Variants in RBBP8 observed in about 807,000 individuals in gnomAD.
RBBP8 encodes the protein DNA endonuclease RBBP8.
RBBP8 carries 88 observed loss-of-function variants against 108.3 expected under a neutral mutation model. The ratio of observed to expected loss-of-function variants is 0.81; its 90% confidence interval spans 0.68 to 0.97. The LOEUF (loss-of-function observed/expected upper bound fraction) is 0.97, where lower values mean the gene tolerates loss of function less well. RBBP8 is among the 50% of genes least tolerant of loss of function. RBBP8 has a pLI of 0.00. For synonymous variants in RBBP8, 332 were observed against 348.2 expected (o/e 0.95, Z 0.52); for missense variants, 1,023 against 1,049.0 (o/e 0.98, Z 0.34).
chr18:22,975,215 A>G lies in RBBP8; in HGVS notation c.424A>G (p.Ile142Val), dbSNP rs1189766047. The stretch of plus-strand genomic sequence containing the variant: ...GCTTTCTGAACAACTCCAGCAGAAA[A>G]TTGAGTAAGTATTTTCCTCCAACCT... ...KKLSEQLQQK[I>V]ENDQQHQAAE... is the part of the protein sequence containing the mutation. Residue 142 changes from isoleucine to valine, a missense_variant, in exon 6 of 19, where the codon ATT (isoleucine) becomes GTT (valine). By Grantham distance (29) the Ile-to-Val change is conservative (BLOSUM62 3). Transcript: ENST00000327155. The G allele has an allele frequency of 6.2e-7, 1 of 1,612,706 alleles. No homozygotes were observed. The highest frequency in any genetic ancestry group is 1.7e-5 in the Admixed American group (1 of 59,982).
chr18:22,927,599 G>A (rs1357785036), intron 3 of RBBP8, among the ~76,000 whole-genome samples: 1 of 152,054 alleles, frequency 6.6e-6, no homozygotes, highest in African/African-American at 2.4e-5. Flanking sequence ...ACAGATTTCA[G>A]AGACTTAGTA....
At chr18:22,970,688 TTTATTCTTTGCCCAG>T (rs1914009340) in intron 5 of RBBP8, among the ~76,000 whole-genome samples, 1 of 152,224 alleles carries the variant, frequency 6.6e-6, no homozygotes, top group Non-Finnish European at 1.5e-5. Context: ...GAATGGCTTA[TTTATTCTTTGCCCAG>T]TCTTAAATTG....
At chr18:23,002,683 A>C (rs2045968473) in intron 15 of RBBP8, among the ~76,000 whole-genome samples, 1 of 152,120 alleles carries the variant, frequency 6.6e-6, no homozygotes, top group Non-Finnish European at 1.5e-5. Flanking sequence ...CGAATTTTTA[A>C]TCTAGTGCAA....
At chr18:22,950,536 G>A (rs888413794) in intron 4 of RBBP8, among the ~76,000 whole-genome samples, 2 of 149,442 alleles carry the variant, frequency 1.3e-5, no homozygotes, top group African/African-American at 2.5e-5. Flanking sequence ...GCACTGCTGC[G>A]CTCCAGCCTG....
chr18:22,982,047 A>T (rs1212444015), intron 6 of RBBP8, among the ~76,000 whole-genome samples, 171 bp from the exon 7 acceptor site: 3 of 152,194 alleles, frequency 2.0e-5, no homozygotes, highest in Non-Finnish European at 4.4e-5. Flanking sequence ...AGTATTTCCC[A>T]CTGGGTACTG....
chr18:22,917,886 T>C (rs1203015157), intron 3 of RBBP8, among the ~76,000 whole-genome samples: 5 of 151,252 alleles, frequency 3.3e-5, no homozygotes, highest in African/African-American at 1.2e-4. Flanking sequence ...TAGTCCCAGC[T>C]ACTCGGGAGA....
intron 2 of RBBP8, among the ~76,000 whole-genome samples, chr18:22,942,257 T>C (rs773194169): frequency 3.3e-5 from 5 of 152,102 alleles, no homozygotes; most frequent in Non-Finnish European, 7.4e-5. Flanking sequence ...ATTTGAGATA[T>C]ATAGTTTTTA....
chr18:22,972,353 C>CAAAAA (rs1168455023), intron 5 of RBBP8, among the ~76,000 whole-genome samples: 1 of 55,892 alleles, frequency 1.8e-5, no homozygotes, highest in Non-Finnish European at 3.7e-5. Flanking sequence ...GACTCCCTCT[C>CAAAAA]AAAAAAAAAA....
rs954257286 is a variant in RBBP8, at chr18:22,938,628, C to T, written c.109+1668C>T. Among the ~76,000 whole-genome samples the T allele has an allele frequency of 9.9e-5, 15 of 152,160 alleles. No individual in the cohort carries two copies. In the East Asian group the frequency reaches 1.5e-3, roughly 16 times the overall value. Reference sequence around the variant, plus strand: ...GTAATATGTATGAGATAGTGGAAAACGTATACAATTTGTTGACTGAAGACC... The same window carrying T: ...GTAATATGTATGAGATAGTGGAAAATGTATACAATTTGTTGACTGAAGACC... On this transcript the variant is annotated intron_variant, in intron 2 of 18. Transcript: ENST00000327155.
At chr18:23,016,236 G>A (rs2046253208) in intron 16 of RBBP8, among the ~76,000 whole-genome samples, 1 of 152,018 alleles carries the variant, frequency 6.6e-6, no homozygotes, top group East Asian at 1.9e-4. Flanking sequence ...ACTAATTTTA[G>A]GATTTTTTTT....
In RBBP8 at chr18:23,001,687, G is replaced by C; in HGVS notation, c.2245G>C (p.Asp749His). Residue 749 changes from aspartate (D) to histidine (H), a missense_variant, in exon 15 of 19, where the codon GAT becomes CAT. Physicochemically the swap from Asp to His is moderately conservative, Grantham distance 81 (BLOSUM62 -1). Coordinates refer to ENST00000327155, the MANE Select transcript of RBBP8 (RefSeq NM_002894.3). ...CLADSFSQAA[D>H]EEEELSTATK... is the part of the protein sequence containing the mutation. ...GGCAGACAGTTTCTCCCAAGCAGCA[G>C]ATGAAGAGGAGGAATTGTCTACTGC... The C allele has an allele frequency of 6.2e-7, 1 of 1,614,146 alleles. No homozygotes were observed. The highest frequency in any genetic ancestry group is 1.1e-5 in the South Asian group (1 of 91,084).
chr18:23,025,591 C>T (rs1046261838), intron 18 of RBBP8, among the ~76,000 whole-genome samples: 3 of 152,146 alleles, frequency 2.0e-5, no homozygotes, highest in Non-Finnish European at 2.9e-5. Flanking sequence ...TTAGAGACAC[C>T]TTAGGAGATC....
At chr18:23,008,216 A>T (rs1259234867) in intron 16 of RBBP8, among the ~76,000 whole-genome samples, 2 of 150,994 alleles carry the variant, frequency 1.3e-5, no homozygotes, top group South Asian at 4.2e-4. Context: ...CAAATTGAAG[A>T]CATAGTAATT....
At chr18:22,994,014 C>T (rs199661553) in intron 12 of RBBP8, among the ~76,000 whole-genome samples, 167 bp downstream of exon 12, 64 of 75,074 alleles carry the variant, frequency 8.5e-4, no homozygotes, top group South Asian at 1.8e-3. Flanking sequence ...TTTTTCTGTT[C>T]TTTTTTTTTT....
At chr18:23,005,328 A>G (rs574833288) in intron 15 of RBBP8, among the ~76,000 whole-genome samples, 11 of 152,354 alleles carry the variant, frequency 7.2e-5, no homozygotes, top group South Asian at 2.1e-4. Context: ...GAGGTGACAG[A>G]TATGCTAATT....
chr18:23,022,637 TAA>T (rs376205689), intron 18 of RBBP8, among the ~76,000 whole-genome samples: 10 of 78,056 alleles, frequency 1.3e-4, no homozygotes, highest in African/African-American at 4.6e-4. Flanking sequence ...TAAAATAAAA[TAA>T]ATAAAATACA....
chr18:23,015,852 T>C (rs1337602627), intron 16 of RBBP8, among the ~76,000 whole-genome samples: 9 of 152,192 alleles, frequency 5.9e-5, no homozygotes, highest in Non-Finnish European at 1.2e-4. Flanking sequence ...TTTTGGTAAC[T>C]GTAGCTTCGT....
At chr18:22,932,686 C>A (rs1406360604), upstream of RBBP8, among the ~76,000 whole-genome samples, 2 of 152,158 alleles carry the variant, frequency 1.3e-5, no homozygotes, top group Non-Finnish European at 2.9e-5. Context: ...AAAAACGATT[C>A]TTTTACAAAT....
intron 12 of RBBP8, 102 bp downstream of exon 12, chr18:22,993,949 A>ATT (rs1487067397): frequency 1.7e-6 from 2 of 1,144,542 alleles, no homozygotes; most frequent in East Asian, 6.3e-5. Context: ...AAAAAAACTT[A>ATT]TTTCTTCCTT....
Sources: gnomAD v4.1 joint callset for allele counts (sites outside exome capture counted in the v4.1 genomes callset) on GRCh38, gnomAD v4.1.1 for gene constraint, MANE v1.5 for transcripts, NCBI Gene and HGNC (gene_info 2026-07-23, HGNC 2026-07-21) for gene names.